Variants in TRPA1 observed in about 807,000 individuals in gnomAD.
TRPA1 encodes ankyrin-like with transmembrane domains 1.
A neutral mutation model predicts 131.3 loss-of-function variants in TRPA1; 129 were observed. The ratio of observed to expected loss-of-function variants is 0.98; its 90% CI spans 0.85 to 1.14. The LOEUF (loss-of-function observed/expected upper bound fraction) is 1.14. Among genes scored for constraint, TRPA1 ranks in the 50% most tolerant of loss-of-function variants. TRPA1 has a pLI of 0.00. For synonymous variants in TRPA1, 441 were observed against 451.7 expected (o/e 0.98, Z 0.30); for missense variants, 1,304 against 1,354.2 (o/e 0.96, Z 0.58).
At chr8:72,082,811 T>C in the TRPA1 span, among the ~76,000 whole-genome samples, 1 of 152,066 alleles carries the variant, frequency 6.6e-6, no homozygotes, top group Non-Finnish European at 1.5e-5. Flanking sequence ...TTAGTGTTCA[T>C]GGACCTTCTT....
chr8:72,026,720 T>C (rs890117202), intron 24 of TRPA1, among the ~76,000 whole-genome samples: 2 of 152,240 alleles, frequency 1.3e-5, no homozygotes, highest in Non-Finnish European at 2.9e-5. Flanking sequence ...TTAATTTTTT[T>C]CATTTATTTT....
chr8:72,042,040 G>T (rs145458147), intron 17 of TRPA1, among the ~76,000 whole-genome samples: 2 of 151,944 alleles, frequency 1.3e-5, no homozygotes, highest in East Asian at 3.9e-4. Flanking sequence ...AGCAAAAGCA[G>T]ACAAACAGGA....
chr8:72,083,131 G>T, the TRPA1 span, among the ~76,000 whole-genome samples: 4 of 151,678 alleles, frequency 2.6e-5, no homozygotes, highest in Non-Finnish European at 5.9e-5. Context: ...TGCCCATTTG[G>T]TTCTTTTTGT....
intron 15 of TRPA1, among the ~76,000 whole-genome samples, chr8:72,047,744 A>G (rs1209699995): frequency 2.0e-5 from 3 of 152,052 alleles, no homozygotes; most frequent in Non-Finnish European, 4.4e-5. Context: ...ATGAAACACA[A>G]ATGAATTTTG....
rs1176983054 is a variant in TRPA1, at chr8:72,075,568, C to T, written c.-159G>A. On this transcript the variant is annotated 5_prime_UTR_variant, in exon 1 of 27. Coordinates refer to ENST00000262209, the MANE Select transcript of TRPA1 (RefSeq NM_007332.3). Reference sequence around the variant, plus strand: ...CAGCGAAAAAGTCGCTCTGCGGAAGCCCTGGAGAACTTCTGGAAGGAGTTC... The same window carrying T: ...CAGCGAAAAAGTCGCTCTGCGGAAGTCCTGGAGAACTTCTGGAAGGAGTTC... 2 of 660,168 alleles carry T rather than the reference C, an allele frequency of 3.0e-6. No individual in the cohort carries two copies. Among genetic ancestry groups the T allele is most frequent in the Non-Finnish European group, 5.4e-6 (2 of 371,674 alleles). 40.9% of individuals were successfully genotyped at this position (660,168 alleles called of 1,614,324 possible).
chr8:72,086,091 T>C, the TRPA1 span, among the ~76,000 whole-genome samples: 1 of 151,966 alleles, frequency 6.6e-6, no homozygotes, highest in Non-Finnish European at 1.5e-5. Flanking sequence ...TTAGTAGAGA[T>C]GGGGTTTCAA....
At chr8:72,025,884 C>G in intron 25 of TRPA1, 76 bp downstream of exon 25, 1 of 1,267,204 alleles carries the variant, frequency 7.9e-7, no homozygotes. Context: ...TAAAAGGGCC[C>G]CCTTAGGGTT....
intron 3 of TRPA1, among the ~76,000 whole-genome samples, chr8:72,067,644 G>A (rs1333036828): frequency 6.6e-6 from 1 of 152,144 alleles, no homozygotes; most frequent in African/African-American, 2.4e-5. Flanking sequence ...ATGTGTTCTT[G>A]AAAAGAGCCT....
At chr8:72,064,258 A>G (rs1306541023) in intron 4 of TRPA1, among the ~76,000 whole-genome samples, 1 of 97,182 alleles carries the variant, frequency 1.0e-5, no homozygotes, top group Non-Finnish European at 2.0e-5. Context: ...GAAATTATAT[A>G]TATATAATAT....
chr8:72,046,656 A>C, intron 16 of TRPA1, 48 bp from the exon 17 acceptor site: 1 of 960,928 alleles, frequency 1.0e-6, no homozygotes, highest in Non-Finnish European at 1.6e-6. Flanking sequence ...TTAGTCAAGT[A>C]TAGAATCCCC....
chr8:72,068,801 C>A (rs1053594056), intron 3 of TRPA1, among the ~76,000 whole-genome samples: 1 of 152,184 alleles, frequency 6.6e-6, no homozygotes, highest in Non-Finnish European at 1.5e-5. Context: ...ACACACAAAG[C>A]TCTCATGAAA....
rs781459026 is a variant in TRPA1 at position 72,034,294 on chromosome 8, A to T, written c.2639T>A (p.Leu880His). Residue 880 changes from leucine to histidine, a missense_variant, in exon 22 of 27, where the codon CTT (leucine) becomes CAT (histidine). Transcript: ENST00000262209. The stretch of plus-strand genomic sequence containing the variant: ...AAAGCTGAGTCCAAAAGCCAGAAGA[A>T]GGAAGATAAATACAACTGTAGACCT... ...LLRSTVVFIF[L>H]LLAFGLSFYI... 2.5e-6 allele frequency: 4 copies of T among 1,608,228 alleles called. No homozygotes were observed. The highest frequency in any genetic ancestry group is 3.4e-6 in the Non-Finnish European group (4 of 1,177,318).
chr8:72,032,015 C>T (rs986110751), intron 23 of TRPA1, among the ~76,000 whole-genome samples: 4 of 152,034 alleles, frequency 2.6e-5, no homozygotes, highest in Admixed American at 6.5e-5. Context: ...CATGGTGGGA[C>T]GTTTTTCAGG....
rs761313749 is a variant in TRPA1, at chr8:72,036,427, C to T, written c.2416G>A (p.Val806Ile). ...KRNYFMDISN[V>I]LEWIIYTTGI... ...GTCGTGTAGATAATCCATTCAAGAA[C>T]ATTGCTTATATCCATAAAATAATTC... is the stretch of plus-strand genomic sequence containing the variant. The change falls in exon 21 of 27, where the codon GTT becomes ATT. Residue 806 changes from valine to isoleucine, a missense_variant. Val to Ile is a conservative substitution (Grantham distance 29). Coordinates refer to ENST00000262209, the MANE Select transcript of TRPA1 (RefSeq NM_007332.3). The T allele has an allele frequency of 1.2e-6, 2 of 1,613,916 alleles. No individual in the cohort carries two copies. Among genetic ancestry groups the T allele is most frequent in the Non-Finnish European group, 1.7e-6 (2 of 1,179,908 alleles).
intron 12 of TRPA1, 167 bp from the exon 13 acceptor site, chr8:72,054,034 C>T (rs1262528416): frequency 3.2e-6 from 2 of 625,560 alleles, no homozygotes; most frequent in Non-Finnish European, 5.7e-6. Flanking sequence ...TAATTCCAAG[C>T]TCAATGATCT....
chr8:72,033,339 G>C (rs575081034), intron 23 of TRPA1, among the ~76,000 whole-genome samples: 1 of 152,282 alleles, frequency 6.6e-6, no homozygotes. Context: ...ATTCCTGACT[G>C]TTTGTAATCA....
At position 72,065,499 on chromosome 8, in the gene TRPA1, A is replaced by T; in HGVS notation, c.504T>A (p.Ala168=). The T allele has an allele frequency of 6.2e-7, 1 of 1,613,674 alleles. No homozygotes were observed. The highest frequency in any genetic ancestry group is 1.1e-5 in the South Asian group (1 of 91,078). The change falls in exon 4 of 27, where the codon GCT becomes GCA. Residue 168 remains alanine (A), a synonymous_variant. Transcript: ENST00000262209. The part of the protein sequence containing the change: ...VNLEGENGNT[A]VIIACTTNNS... ...TATTTGTGGTGCACGCAATGATCACAGCTGTGTTTCCATTTTCTCCTTCCA... is the reference window on the plus strand; with the variant it reads ...TATTTGTGGTGCACGCAATGATCACTGCTGTGTTTCCATTTTCTCCTTCCA...
intron 14 of TRPA1, among the ~76,000 whole-genome samples, chr8:72,051,416 C>T (rs1018456467): frequency 2.6e-5 from 4 of 152,158 alleles, no homozygotes; most frequent in South Asian, 2.1e-4. Flanking sequence ...CAGGGTAAGA[C>T]GGTGCTTACC....
chr8:72,088,151 T>A, the TRPA1 span, among the ~76,000 whole-genome samples: 3 of 152,226 alleles, frequency 2.0e-5, no homozygotes, highest in Admixed American at 2.0e-4. Context: ...TGTCTTTGTA[T>A]CTTGTGGCAA....
Sources: allele counts gnomAD v4.1 joint callset (sites outside exome capture counted in the v4.1 genomes callset), GRCh38; gene constraint gnomAD v4.1.1; transcripts MANE v1.5; gene names NCBI Gene and HGNC (gene_info 2026-07-23, HGNC 2026-07-21).